Variants in SH3BGR observed in about 807,000 individuals in gnomAD.
SH3BGR encodes the protein SH3 domain binding glutamate rich protein.
A neutral mutation model predicts 24.5 loss-of-function variants in SH3BGR; 29 were observed. The observed-to-expected ratio is 1.18, with a 90% CI of 0.88 to 1.61. The LOEUF is 1.61. Among genes scored for constraint, SH3BGR ranks in the 40% most tolerant of loss-of-function variants. The pLI, the probability that SH3BGR is intolerant of heterozygous loss-of-function variation, is 0.00. For synonymous variants in SH3BGR, 55 were observed against 65.7 expected (o/e 0.84, Z 0.79); for missense variants, 162 against 205.8 (o/e 0.79, Z 1.30).
chr21:39,480,678 T>G (rs1476696047), intron 3 of SH3BGR, among the ~76,000 whole-genome samples: 1 of 152,224 alleles, frequency 6.6e-6, no homozygotes, highest in Non-Finnish European at 1.5e-5. Context: ...TTTTGTTTAA[T>G]CGATTTCCAA....
At chr21:39,480,547 A>G (rs1307905825) in intron 3 of SH3BGR, among the ~76,000 whole-genome samples, 5 of 152,196 alleles carry the variant, frequency 3.3e-5, no homozygotes, top group Non-Finnish European at 7.3e-5. Context: ...AGGGCAGACT[A>G]CTATCCATGG....
chr21:39,510,392 T>A (rs1222615658), intron 5 of SH3BGR, among the ~76,000 whole-genome samples: 9 of 100,584 alleles, frequency 8.9e-5, no homozygotes, highest in Non-Finnish European at 1.5e-4. Context: ...ACACACACAC[T>A]GTAGCTACAC....
intron 6 of SH3BGR, among the ~76,000 whole-genome samples, chr21:39,514,281 G>C (rs1333441757): frequency 6.6e-6 from 1 of 152,180 alleles, no homozygotes; most frequent in Non-Finnish European, 1.5e-5. Flanking sequence ...ATTTTAGACA[G>C]AACAAGGCAA....
At chr21:39,477,049 T>C (rs2078038811) in intron 3 of SH3BGR, among the ~76,000 whole-genome samples, 2 of 152,168 alleles carry the variant, frequency 1.3e-5, no homozygotes, top group Admixed American at 6.5e-5. Flanking sequence ...TATTTTTTAT[T>C]CCTTTTTTTA....
At chr21:39,480,446 T>G (rs956188010) in intron 3 of SH3BGR, among the ~76,000 whole-genome samples, 1 of 152,212 alleles carries the variant, frequency 6.6e-6, no homozygotes, top group Non-Finnish European at 1.5e-5. Flanking sequence ...CCATACACCA[T>G]GGGGTCCTTT....
At chr21:39,448,743 C>T (rs75674919), upstream of SH3BGR, among the ~76,000 whole-genome samples, 2,126 of 152,196 alleles carry the variant, frequency 0.014, 42 homozygotes, top group African/African-American at 0.048. Context: ...GGGTTAGTTA[C>T]GTATTTTTGC....
intron 5 of SH3BGR, among the ~76,000 whole-genome samples, chr21:39,510,307 G>T (rs1222573670): frequency 6.6e-6 from 1 of 151,782 alleles, no homozygotes; most frequent in Non-Finnish European, 1.5e-5. Context: ...GCAGATAGAA[G>T]AGGAAAATGA....
At chr21:39,483,217 T>A (rs2078159014) in intron 3 of SH3BGR, among the ~76,000 whole-genome samples, 1 of 152,224 alleles carries the variant, frequency 6.6e-6, no homozygotes, top group Non-Finnish European at 1.5e-5. Context: ...TAGAAAATTA[T>A]GTGGAAAAGT....
upstream of SH3BGR, chr21:39,451,710 GGGCCCCACCTCCCTTGGCCCCAA>G: frequency 1.5e-6 from 1 of 674,422 alleles, no homozygotes; most frequent in Non-Finnish European, 2.4e-6. Flanking sequence ...TCTGTTACCG[GGGCCCCACCTCCCTTGGCCCCAA>G]GGCATCTCTG....
At chr21:39,479,471 T>A (rs867740331) in intron 3 of SH3BGR, among the ~76,000 whole-genome samples, 1 of 147,724 alleles carries the variant, frequency 6.8e-6, no homozygotes, top group African/African-American at 2.6e-5. Context: ...GATGTTGGTG[T>A]TGGTGGTGGT....
intron 6 of SH3BGR, among the ~76,000 whole-genome samples, chr21:39,513,491 G>T (rs979985368): frequency 1.3e-5 from 2 of 151,982 alleles, no homozygotes; most frequent in Admixed American, 6.6e-5. Flanking sequence ...AGCTAGTGAG[G>T]GTGGCCATCA....
chr21:39,484,814 G>A (rs375995253), intron 3 of SH3BGR, among the ~76,000 whole-genome samples: 3 of 152,276 alleles, frequency 2.0e-5, no homozygotes, highest in African/African-American at 7.2e-5. Flanking sequence ...TATACTGTGC[G>A]CAGGGACAGA....
At chr21:39,451,297 G>A (rs2077570971), upstream of SH3BGR, among the ~76,000 whole-genome samples, 1 of 152,164 alleles carries the variant, frequency 6.6e-6, no homozygotes, top group Admixed American at 6.5e-5. Context: ...TCAGTGACAA[G>A]TAAATAAAAT....
chr21:39,505,632 G>C (rs903813229), intron 4 of SH3BGR, among the ~76,000 whole-genome samples: 5 of 152,152 alleles, frequency 3.3e-5, no homozygotes, highest in Non-Finnish European at 7.4e-5. Flanking sequence ...GGGTGTGGTA[G>C]CGGGTGCCTG....
intron 3 of SH3BGR, among the ~76,000 whole-genome samples, chr21:39,480,173 A>T (rs551796323): frequency 5.3e-5 from 8 of 152,290 alleles, no homozygotes; most frequent in Non-Finnish European, 8.8e-5. Context: ...TGCTCTTTTT[A>T]AAAAAATAGT....
rs183037168 is a variant in SH3BGR, at chr21:39,510,547, G to A, written c.436-1133G>A. Among the ~76,000 whole-genome samples, 1,446 of 151,784 alleles carry A rather than the reference G, an allele frequency of 9.5e-3. 15 individuals carry two copies. The highest frequency in any genetic ancestry group is 0.016 in the Non-Finnish European group (1,096 of 67,890). On this transcript the variant is annotated intron_variant, in intron 5 of 6. Coordinates refer to ENST00000333634, the MANE Select transcript of SH3BGR (RefSeq NM_007341.3). ...TTCATGGAATGTGTCTATATTTGGGGAGGTAGTCAGTACAGATCTGCTTCA... is the reference window on the plus strand; with the variant it reads ...TTCATGGAATGTGTCTATATTTGGGAAGGTAGTCAGTACAGATCTGCTTCA...
intron 5 of SH3BGR, among the ~76,000 whole-genome samples, chr21:39,510,189 G>T (rs559439870): frequency 7.9e-6 from 1 of 127,146 alleles, no homozygotes; most frequent in Non-Finnish European, 1.6e-5. Flanking sequence ...TGATCCGCCC[G>T]CCTCGGCCTC....
intron 1 of SH3BGR, among the ~76,000 whole-genome samples, chr21:39,456,219 C>A (rs7277602): frequency 5.3e-5 from 8 of 151,946 alleles, no homozygotes; most frequent in Non-Finnish European, 1.0e-4. Flanking sequence ...ATTCGTGCTC[C>A]CAAGAGGGTA....
intron 1 of SH3BGR, among the ~76,000 whole-genome samples, chr21:39,454,245 C>G (rs1370096269): frequency 2.6e-5 from 4 of 152,210 alleles, no homozygotes; most frequent in Non-Finnish European, 5.9e-5. Flanking sequence ...GGCAGTCAGT[C>G]TGCCAAGCCT....
Sources: gnomAD v4.1 joint callset for allele counts (sites outside exome capture counted in the v4.1 genomes callset) on GRCh38, gnomAD v4.1.1 for gene constraint, MANE v1.5 for transcripts, NCBI Gene and HGNC (gene_info 2026-07-23, HGNC 2026-07-21) for gene names.